TMPRSS5: variants seen among roughly 807,000 people sequenced by gnomAD.
TMPRSS5 encodes the protein transmembrane protease serine 5.
In TMPRSS5, 45 loss-of-function variants were observed where a neutral mutation model predicts 59.7. The observed-to-expected ratio is 0.75, with a 90% CI of 0.59 to 0.97. The LOEUF is 0.97. Among genes scored for constraint, TMPRSS5 ranks in the 50% least tolerant of loss-of-function variants. The pLI, the probability that TMPRSS5 is intolerant of heterozygous loss-of-function variation, is 0.00. For missense variants in TMPRSS5, 585 were observed against 596.7 expected (o/e 0.98, Z 0.20); for synonymous variants, 225 against 232.0 (o/e 0.97, Z 0.27).
Position 113,690,883 on chromosome 11 carries a change from G to GCGAGCCCTT in TMPRSS5, c.1012_1020dup (p.Lys338_Ser340dup), listed in dbSNP as rs763074958. 30 of 1,597,402 alleles carry GCGAGCCCTT rather than the reference G, an allele frequency of 1.9e-5. No individual in the cohort carries two copies. In the African/African-American group the frequency reaches 3.5e-4, roughly 18 times the overall value. ...TGGCCCCAGCCAGACACCCAGCACC[G>GCGAGCCCTT]CGAGCCCTTCGGAAAATGCTGTTCC... is the stretch of plus-strand genomic sequence containing the variant. On this transcript the variant is annotated inframe_insertion, in exon 10 of 13. Transcript: ENST00000299882.
intron 1 of TMPRSS5, among the ~76,000 whole-genome samples, chr11:113,704,714 G>T (rs1953239695): frequency 6.6e-6 from 1 of 152,046 alleles, no homozygotes; most frequent in Admixed American, 6.6e-5. Flanking sequence ...ACTTCTCCAG[G>T]AAGCTTCCTT....
intron 1 of TMPRSS5, among the ~76,000 whole-genome samples, chr11:113,702,327 A>G (rs1953162744): frequency 6.6e-6 from 1 of 152,184 alleles, no homozygotes; most frequent in African/African-American, 2.4e-5. Context: ...GCTGGGTCAA[A>G]TGGTATTTCT....
chr11:113,696,291 C>A (rs1392726864), intron 6 of TMPRSS5, among the ~76,000 whole-genome samples: 15 of 152,270 alleles, frequency 9.9e-5, no homozygotes, highest in Non-Finnish European at 4.4e-5. Context: ...GCACAAAGAC[C>A]CTCTCCGCTT....
chr11:113,697,539 C>T, intron 4 of TMPRSS5, 121 bp from the exon 5 acceptor site: 2 of 1,202,296 alleles, frequency 1.7e-6, no homozygotes, highest in Admixed American at 2.2e-5. Context: ...CTGGATCACC[C>T]AGTGCCAAGT....
chr11:113,702,685 A>AC (rs2134828330), intron 1 of TMPRSS5, among the ~76,000 whole-genome samples: 1 of 152,116 alleles, frequency 6.6e-6, no homozygotes, highest in African/African-American at 2.4e-5. Context: ...CCAGGCCAGG[A>AC]CCCCCTGTTC....
At chr11:113,696,305 C>T (rs12421759) in intron 6 of TMPRSS5, among the ~76,000 whole-genome samples, 15,736 of 152,196 alleles carry the variant, frequency 0.1, 1,214 homozygotes, top group African/African-American at 0.21. Flanking sequence ...TCCGCTTGTG[C>T]CCCAGTCATA....
intron 10 of TMPRSS5, 31 bp from the exon 11 acceptor site, chr11:113,690,404 C>T (rs1952740782): frequency 6.3e-7 from 1 of 1,592,176 alleles, no homozygotes; most frequent in East Asian, 2.3e-5. Context: ...AACTGCAGGG[C>T]ACAAAGCAAG....
chr11:113,691,630 A>G (rs1221775523), intron 9 of TMPRSS5, among the ~76,000 whole-genome samples: 1 of 152,142 alleles, frequency 6.6e-6, no homozygotes, highest in Non-Finnish European at 1.5e-5. Flanking sequence ...GGTAAGTAAT[A>G]TAGGTTCTCT....
chr11:113,698,689 C>A, intron 4 of TMPRSS5: 1 of 566,176 alleles, frequency 1.8e-6, no homozygotes. Flanking sequence ...CCGGACCTTG[C>A]CCCAGCTAGA....
At chr11:113,701,318 A>G (rs989319975) in intron 1 of TMPRSS5, among the ~76,000 whole-genome samples, 2 of 147,598 alleles carry the variant, frequency 1.4e-5, no homozygotes, top group Non-Finnish European at 3.0e-5. Context: ...GTTTTGACCA[A>G]AATACTGATA....
chr11:113,699,282 T>TCCCCC (rs1953048965), intron 3 of TMPRSS5, among the ~76,000 whole-genome samples: 4 of 133,944 alleles, frequency 3.0e-5, no homozygotes, highest in East Asian at 2.7e-4. Context: ...CCTCTCTCTC[T>TCCCCC]CTCTCTCTCT....
intron 1 of TMPRSS5, among the ~76,000 whole-genome samples, chr11:113,704,863 G>C (rs901249870): frequency 7.7e-6 from 1 of 130,166 alleles, no homozygotes; most frequent in Non-Finnish European, 1.6e-5. Flanking sequence ...CATTAAAGGA[G>C]GGAAGGAAAG....
At chr11:113,703,524 A>T (rs1312738440) in intron 1 of TMPRSS5, among the ~76,000 whole-genome samples, 2 of 152,140 alleles carry the variant, frequency 1.3e-5, no homozygotes, top group Non-Finnish European at 2.9e-5. Context: ...GAAAGGCATG[A>T]TTGTGTTTTG....
At chr11:113,704,677 G>T (rs1259508974) in intron 1 of TMPRSS5, among the ~76,000 whole-genome samples, 1 of 152,038 alleles carries the variant, frequency 6.6e-6, no homozygotes, top group Admixed American at 6.6e-5. Context: ...GACTCCAACT[G>T]ACCCTTCGAG....
intron 11 of TMPRSS5, 55 bp downstream of exon 11, chr11:113,690,176 G>GCCCCACC: frequency 2.6e-6 from 1 of 388,226 alleles, no homozygotes; most frequent in Non-Finnish European, 4.2e-6. Flanking sequence ...CAGGCCCCCT[G>GCCCCACC]CCCTCCCACC....
chr11:113,697,048 C>T (rs774092483), intron 5 of TMPRSS5, 77 bp from the exon 6 acceptor site: 23 of 1,224,648 alleles, frequency 1.9e-5, no homozygotes, highest in Admixed American at 1.4e-4. Context: ...GTATAGTGAC[C>T]GCAAGACTGT....
At chr11:113,702,316 T>A (rs1953162243) in intron 1 of TMPRSS5, among the ~76,000 whole-genome samples, 1 of 152,200 alleles carries the variant, frequency 6.6e-6, no homozygotes, top group Non-Finnish European at 1.5e-5. Context: ...GTAATGGGAT[T>A]GCTGGGTCAA....
chr11:113,690,154 G>A (rs1035712720), intron 11 of TMPRSS5, 77 bp downstream of exon 11: 2 of 1,486,868 alleles, frequency 1.3e-6, no homozygotes, highest in African/African-American at 1.4e-5. Context: ...AGGGCAGGGG[G>A]CCAAGTCACA....
chr11:113,690,418 C>CA (rs1952741195), intron 10 of TMPRSS5, 45 bp from the exon 11 acceptor site: 1 of 1,577,374 alleles, frequency 6.3e-7, no homozygotes, highest in African/African-American at 1.4e-5. Flanking sequence ...AAGCAAGGCC[C>CA]AGGCAGGCAG....
Sources: allele counts gnomAD v4.1 joint callset (sites outside exome capture counted in the v4.1 genomes callset), GRCh38; gene constraint gnomAD v4.1.1; transcripts MANE v1.5; gene names NCBI Gene and HGNC (gene_info 2026-07-23, HGNC 2026-07-21).